The following PRKN variants were observed in gnomAD, a reference collection of about 807,000 sequenced individuals.
PRKN encodes E3 ubiquitin-protein ligase parkin.
In PRKN, 56 loss-of-function variants were observed where a neutral mutation model predicts 59.5. That is an observed-to-expected ratio of 0.94 (90% confidence interval 0.76 to 1.18). The LOEUF (loss-of-function observed/expected upper bound fraction) is 1.18, where lower values mean the gene tolerates loss of function less well. Among genes scored for constraint, PRKN ranks in the 50% most tolerant of loss-of-function variants. PRKN has a pLI of 0.00. For synonymous variants in PRKN, 250 were observed against 222.1 expected (o/e 1.13, Z -1.12); for missense variants, 657 against 596.4 (o/e 1.10, Z -1.06).
intron 6 of PRKN, among the ~76,000 whole-genome samples, chr6:161,954,817 C>T (rs1489520083): frequency 6.6e-6 from 1 of 152,204 alleles, no homozygotes; most frequent in Non-Finnish European, 1.5e-5. Context: ...GACTCAGCCT[C>T]TCCTTCACAG....
rs1029214533 is a variant in PRKN at position 161,448,475 on chromosome 6, G to A, written c.1084-61598C>T. 6.6e-6 allele frequency among the ~76,000 whole-genome samples: 1 copy of A among 152,112 alleles called. No homozygotes were observed. Among genetic ancestry groups the A allele is most frequent in the Non-Finnish European group, 1.5e-5 (1 of 68,030 alleles). ...CTTAGATTTAATGCTGATTTCGGGG[G>A]GCATTTTTGCTTCAAATTTGTAAAA... On this transcript the variant is annotated intron_variant, in intron 9 of 11. Transcript: ENST00000366898. This position sits in a 1 kb window ranked among gnomAD's most constrained non-coding sequence, Gnocchi z 5.1.
At chr6:162,291,142 A>G (rs2002682) in intron 2 of PRKN, among the ~76,000 whole-genome samples, 83,815 of 151,848 alleles carry the variant, frequency 0.55, 26,407 homozygotes, top group East Asian at 0.85. Context: ...AGGGTAGAAG[A>G]GAGAAATGTG....
At chr6:162,328,677 C>G (rs1185105602) in intron 2 of PRKN, among the ~76,000 whole-genome samples, 1 of 152,158 alleles carries the variant, frequency 6.6e-6, no homozygotes, top group Non-Finnish European at 1.5e-5. Context: ...CTCAGCTCCT[C>G]CTGGAAAGAG....
At chr6:162,659,963 A>G (rs931332962) in intron 1 of PRKN, among the ~76,000 whole-genome samples, 1 of 152,142 alleles carries the variant, frequency 6.6e-6, no homozygotes, top group African/African-American at 2.4e-5. Context: ...ATCAAGAACA[A>G]TATTAAAAAC....
Position 162,011,133 on chromosome 6 carries a change from A to ACTAT in PRKN, c.619-37717_619-37716insATAG, listed in dbSNP as rs1288107528. On this transcript the variant is annotated intron_variant, in intron 5 of 11. Coordinates refer to ENST00000366898, the MANE Select transcript of PRKN (RefSeq NM_004562.3). The stretch of plus-strand genomic sequence containing the variant: ...AATATATAATATATTTATAATATAT[A>ACTAT]ATTATAATATATATTATAATATATA... Among the ~76,000 whole-genome samples the ACTAT allele has an allele frequency of 7.4e-3, 66 of 8,962 alleles. 28 individuals are homozygous for ACTAT. The highest frequency in any genetic ancestry group is 0.067 in the African/African-American group (61 of 914). 5.9% of individuals were successfully genotyped at this position (8,962 alleles called of 152,430 possible). A position where few individuals can be genotyped will look rare whatever the true frequency, so the allele number is the denominator to read the frequency against.
intron 10 of PRKN, among the ~76,000 whole-genome samples, chr6:161,367,245 T>C (rs1388874917): frequency 6.6e-6 from 1 of 151,822 alleles, no homozygotes; most frequent in African/African-American, 2.4e-5. Flanking sequence ...CCTCCCAAAG[T>C]GCTGGGATTA....
At chr6:162,621,833 T>C (rs1782679221) in intron 1 of PRKN, among the ~76,000 whole-genome samples, 1 of 152,200 alleles carries the variant, frequency 6.6e-6, no homozygotes, top group Admixed American at 6.5e-5. Context: ...TTTTATTTAC[T>C]GAGACAGAGT....
rs1231776179 is a variant in PRKN at position 161,518,990 on chromosome 6, G to A, written c.1083+29864C>T. 6.6e-6 allele frequency among the ~76,000 whole-genome samples: 1 copy of A among 152,210 alleles called. No individual in the cohort carries two copies. The highest frequency in any genetic ancestry group is 2.4e-5 in the African/African-American group (1 of 41,456). On this transcript the variant is annotated intron_variant, in intron 9 of 11. Transcript: ENST00000366898. This position sits in a 1 kb window ranked among gnomAD's most constrained non-coding sequence, Gnocchi z 5.0. The stretch of plus-strand genomic sequence containing the variant: ...CACTCGTGTCCAGATGCAAGTAAAT[G>A]ATAAACTCCTCGAGACTTCAGACAG...
rs1486591727 is a variant in PRKN at position 162,056,406 on chromosome 6, G to A, written c.535-2232C>T. Among the ~76,000 whole-genome samples the A allele has an allele frequency of 6.6e-6, 1 of 152,060 alleles. No homozygotes were observed. The highest frequency in any genetic ancestry group is 1.5e-5 in the Non-Finnish European group (1 of 67,994). On this transcript the variant is annotated intron_variant, in intron 4 of 11. Coordinates refer to ENST00000366898, the MANE Select transcript of PRKN (RefSeq NM_004562.3). This position sits in a 1 kb window ranked among gnomAD's most constrained non-coding sequence, Gnocchi z 4.9. ...GCATGCACACACGCACTATTCTAGA[G>A]AAAAGTCGGGGACGCAGAGCAGTTC... is the stretch of plus-strand genomic sequence containing the variant.
chr6:162,168,556 CAAAAAA>C (rs771060815), intron 4 of PRKN, among the ~76,000 whole-genome samples: 81 of 47,302 alleles, frequency 1.7e-3, no homozygotes, highest in Admixed American at 3.4e-3. Context: ...ATCTGTTTTA[CAAAAAA>C]AAAAAAAAAA....
chr6:162,642,468 A>G (rs1777999167), intron 1 of PRKN, among the ~76,000 whole-genome samples: 1 of 152,154 alleles, frequency 6.6e-6, no homozygotes, highest in Non-Finnish European at 1.5e-5. Flanking sequence ...CCTTGAAATT[A>G]TGTTTAAGCT....
At chr6:162,204,948 C>T (rs1784877126) in intron 3 of PRKN, among the ~76,000 whole-genome samples, 2 of 151,792 alleles carry the variant, frequency 1.3e-5, no homozygotes, top group Non-Finnish European at 2.9e-5. Context: ...CTGCAACTTC[C>T]TCCTCTTGGG....
intron 2 of PRKN, among the ~76,000 whole-genome samples, chr6:162,428,668 C>T (rs1789361138): frequency 1.3e-5 from 2 of 152,178 alleles, no homozygotes; most frequent in South Asian, 4.1e-4. Flanking sequence ...CGTACATCTG[C>T]TAGTCCCATT....
chr6:161,742,751 C>T (rs535762136), intron 7 of PRKN, among the ~76,000 whole-genome samples: 3 of 152,290 alleles, frequency 2.0e-5, no homozygotes, highest in African/African-American at 7.2e-5. Flanking sequence ...CACAAGTTAG[C>T]TCATTGGATT....
At chr6:161,564,905 C>T (rs186620174) in intron 8 of PRKN, among the ~76,000 whole-genome samples, 2 of 152,338 alleles carry the variant, frequency 1.3e-5, no homozygotes, top group East Asian at 1.9e-4. Context: ...CCTCTGACCT[C>T]GTCGGTGCTG....
intron 9 of PRKN, among the ~76,000 whole-genome samples, chr6:161,479,400 C>A (rs1436979110): frequency 6.6e-6 from 1 of 152,020 alleles, no homozygotes. Context: ...CTGGTTTTTG[C>A]TTTTTATGTT....
intron 10 of PRKN, among the ~76,000 whole-genome samples, chr6:161,367,883 AT>A (rs779054491): frequency 5.0e-4 from 76 of 152,324 alleles, no homozygotes; most frequent in Non-Finnish European, 7.9e-4. Context: ...GGAGCTTGTC[AT>A]TAACTATTTC....
intron 9 of PRKN, among the ~76,000 whole-genome samples, chr6:161,412,842 C>T (rs997706556): frequency 1.4e-4 from 22 of 152,102 alleles, no homozygotes; most frequent in Admixed American, 3.3e-4. Flanking sequence ...CTCACTCATT[C>T]CTCCACTCAC....
intron 2 of PRKN, among the ~76,000 whole-genome samples, chr6:162,423,499 T>C (rs887733236): frequency 2.6e-5 from 4 of 152,194 alleles, no homozygotes; most frequent in Non-Finnish European, 5.9e-5. Context: ...TTCAGCTTCA[T>C]TGTGTGAGAT....
Sources: gnomAD v4.1 joint callset for allele counts (sites outside exome capture counted in the v4.1 genomes callset) on GRCh38, gnomAD v4.1.1 for gene constraint, Gnocchi (gnomAD v3.1) non-coding constraint, MANE v1.5 for transcripts, NCBI Gene and HGNC (gene_info 2026-07-23, HGNC 2026-07-21) for gene names.